Variants in PRKAG2 observed in about 807,000 individuals in gnomAD.
PRKAG2 encodes the protein 5'-AMP-activated protein kinase subunit gamma-2.
In PRKAG2, 26 loss-of-function variants were observed where a neutral mutation model predicts 69.6. The ratio of observed to expected loss-of-function variants is 0.37; its 90% confidence interval spans 0.27 to 0.52. PRKAG2 has a LOEUF of 0.52. Ranked by LOEUF, PRKAG2 falls within the 20% of genes least tolerant of loss-of-function variation. The pLI, the probability that PRKAG2 is intolerant of heterozygous loss-of-function variation, is 0.90. For synonymous variants in PRKAG2, 293 were observed against 285.0 expected, an observed-to-expected ratio of 1.03 and a Z score of -0.28; for missense variants, 557 against 740.0, an observed-to-expected ratio of 0.75 and a Z score of 2.87.
intron 1 of PRKAG2, among the ~76,000 whole-genome samples, chr7:151,852,945 C>T (rs1332519195): frequency 2.6e-5 from 4 of 152,176 alleles, no homozygotes; most frequent in African/African-American, 9.7e-5. Context: ...CGCAGCTCAA[C>T]GGGCAACCCC....
intron 6 of PRKAG2, among the ~76,000 whole-genome samples, chr7:151,584,981 G>A (rs754126646): frequency 6.6e-6 from 1 of 152,072 alleles, no homozygotes; most frequent in African/African-American, 2.4e-5. Context: ...AGGTTCTAGC[G>A]GGACGTCACC....
At chr7:151,831,435 G>A (rs1336211963) in intron 1 of PRKAG2, among the ~76,000 whole-genome samples, 1 of 152,198 alleles carries the variant, frequency 6.6e-6, no homozygotes, top group Non-Finnish European at 1.5e-5. Flanking sequence ...CAACATGGAC[G>A]AACCTTAAAA....
At chr7:151,704,683 C>T (rs1838300342) in intron 3 of PRKAG2, among the ~76,000 whole-genome samples, 1 of 152,196 alleles carries the variant, frequency 6.6e-6, no homozygotes, top group South Asian at 2.1e-4. Flanking sequence ...GGGAGGGGCC[C>T]AAGTCTGAGC....
intron 1 of PRKAG2, among the ~76,000 whole-genome samples, chr7:151,802,384 G>A (rs1278962521): frequency 6.6e-6 from 1 of 152,114 alleles, no homozygotes; most frequent in African/African-American, 2.4e-5. Flanking sequence ...AGTGGACTCT[G>A]ACCTTCCAGG....
chr7:151,757,435 C>T (rs34593075), intron 3 of PRKAG2, among the ~76,000 whole-genome samples: 7,526 of 152,280 alleles, frequency 0.049, 255 homozygotes, highest in Non-Finnish European at 0.072. Context: ...TCCCCAGATG[C>T]AGCAGGATGA....
intron 1 of PRKAG2, among the ~76,000 whole-genome samples, chr7:151,817,189 A>G (rs1210481855): frequency 6.6e-6 from 1 of 152,068 alleles, no homozygotes; most frequent in African/African-American, 2.4e-5. Flanking sequence ...TGGAGGGCGG[A>G]GTCAGCTGTC....
chr7:151,558,228 C>T, intron 15 of PRKAG2: 1 of 985,424 alleles, frequency 1.0e-6, no homozygotes, highest in South Asian at 4.7e-5. Context: ...AACCAGTACC[C>T]CTCTGGGGAA....
chr7:151,646,696 ATTC>A (rs1299791736), intron 4 of PRKAG2, among the ~76,000 whole-genome samples: 3 of 152,284 alleles, frequency 2.0e-5, no homozygotes, highest in African/African-American at 4.8e-5. Context: ...CATAACTCTG[ATTC>A]TTATCAAAAT....
At chr7:151,872,220 G>A (rs117589294) in intron 1 of PRKAG2, among the ~76,000 whole-genome samples, 1,873 of 152,180 alleles carry the variant, frequency 0.012, 20 homozygotes, top group Non-Finnish European at 0.018. Flanking sequence ...GCCTTCTCAC[G>A]TCCCACGTCT....
intron 5 of PRKAG2, among the ~76,000 whole-genome samples, chr7:151,604,178 C>T (rs750331440): frequency 3.3e-5 from 5 of 152,182 alleles, no homozygotes; most frequent in Non-Finnish European, 5.9e-5. Flanking sequence ...GCTTGGTGCT[C>T]CCTGCGTGGG....
intron 3 of PRKAG2, among the ~76,000 whole-genome samples, chr7:151,697,700 G>A (rs1836924405): frequency 6.6e-6 from 1 of 152,108 alleles, no homozygotes; most frequent in Admixed American, 6.5e-5. Flanking sequence ...GGATACAGTG[G>A]TGCGCTGGGT....
chr7:151,613,193 C>T (rs970844456), intron 5 of PRKAG2, among the ~76,000 whole-genome samples: 1 of 152,174 alleles, frequency 6.6e-6, no homozygotes, highest in African/African-American at 2.4e-5. Flanking sequence ...CCTGAAATAA[C>T]TTAAACTTTG....
intron 4 of PRKAG2, among the ~76,000 whole-genome samples, chr7:151,651,692 A>G (rs1183728636): frequency 6.6e-6 from 1 of 152,216 alleles, no homozygotes; most frequent in African/African-American, 2.4e-5. Context: ...GAAAAGTTCA[A>G]TGATATGGTG....
At chr7:151,790,564 T>G (rs1379026690) in intron 1 of PRKAG2, 2 of 152,188 alleles carry the variant, frequency 1.3e-5, no homozygotes, top group East Asian at 3.9e-4. Flanking sequence ...TTGAATTAAC[T>G]CCCCGACCAA....
chr7:151,684,527 C>G (rs964586947), intron 3 of PRKAG2, among the ~76,000 whole-genome samples: 1 of 152,114 alleles, frequency 6.6e-6, no homozygotes, highest in Admixed American at 6.5e-5. Context: ...GCAAAGCACC[C>G]TAGGACACTG....
intron 1 of PRKAG2, among the ~76,000 whole-genome samples, chr7:151,825,127 T>C (rs989825564): frequency 2.6e-5 from 4 of 152,136 alleles, no homozygotes; most frequent in African/African-American, 9.7e-5. Flanking sequence ...GGCAGGAGAA[T>C]GGCTTGAACC....
intron 1 of PRKAG2, among the ~76,000 whole-genome samples, chr7:151,853,011 C>T (rs1013078130): frequency 8.5e-5 from 13 of 152,220 alleles, no homozygotes; most frequent in African/African-American, 2.7e-4. Flanking sequence ...AAGGTAGGGG[C>T]GGCTGCCTTG....
intron 3 of PRKAG2, among the ~76,000 whole-genome samples, chr7:151,714,911 C>G (rs2151619591): frequency 1.3e-5 from 2 of 151,560 alleles, no homozygotes; most frequent in East Asian, 3.9e-4. Flanking sequence ...GATCGTGCCA[C>G]TGCACTCCAG....
chr7:151,629,063 G>A (rs1823739211), intron 5 of PRKAG2, among the ~76,000 whole-genome samples: 1 of 152,208 alleles, frequency 6.6e-6, no homozygotes, highest in Non-Finnish European at 1.5e-5. Flanking sequence ...CACTATGCCT[G>A]AGGGCCAAAT....
Sources: allele counts gnomAD v4.1 joint callset (sites outside exome capture counted in the v4.1 genomes callset), GRCh38; gene constraint gnomAD v4.1.1; transcripts MANE v1.5; gene names NCBI Gene and HGNC (gene_info 2026-07-23, HGNC 2026-07-21).